The following SORCS1 variants were observed in gnomAD, a reference collection of about 807,000 sequenced individuals.
The protein encoded by SORCS1 is VPS10 domain-containing receptor SorCS1.
A neutral mutation model predicts 146.1 loss-of-function variants in SORCS1; 60 were observed. The observed-to-expected ratio is 0.41, with a 90% CI of 0.33 to 0.51. The LOEUF (loss-of-function observed/expected upper bound fraction) is 0.51. SORCS1 is among the 20% of genes least tolerant of loss of function. The pLI is 0.21. For missense variants in SORCS1, 1,352 were observed against 1,487.6 expected (o/e 0.91, Z 1.50); for synonymous variants, 637 against 584.0 (o/e 1.09, Z -1.31).
At chr10:106,894,398 A>T (rs1951382250) in intron 2 of SORCS1, among the ~76,000 whole-genome samples, 1 of 151,864 alleles carries the variant, frequency 6.6e-6, no homozygotes, top group African/African-American at 2.4e-5. Context: ...TCTTTTTTTA[A>T]AGACATTAGT....
At chr10:106,959,784 G>T (rs1955135729) in intron 1 of SORCS1, among the ~76,000 whole-genome samples, 1 of 152,202 alleles carries the variant, frequency 6.6e-6, no homozygotes, top group South Asian at 2.1e-4. Context: ...GTAGCTGGGA[G>T]TGAGGTGCAG....
intron 16 of SORCS1, among the ~76,000 whole-genome samples, chr10:106,669,790 C>T (rs895611012): frequency 7.2e-5 from 11 of 152,184 alleles, no homozygotes; most frequent in African/African-American, 1.4e-4. Flanking sequence ...CTTGGCTTGG[C>T]GTCCTCACCA....
At chr10:107,128,851 C>T (rs1966841565) in intron 1 of SORCS1, among the ~76,000 whole-genome samples, 1 of 152,182 alleles carries the variant, frequency 6.6e-6, no homozygotes, top group African/African-American at 2.4e-5. Context: ...ATAAGGTGTC[C>T]TGGGTCTTAC....
the SORCS1 span, among the ~76,000 whole-genome samples, chr10:107,176,832 A>T: frequency 6.6e-6 from 1 of 151,974 alleles, no homozygotes; most frequent in Non-Finnish European, 1.5e-5. Flanking sequence ...AGTGTTTTTT[A>T]TATATATAGT....
chr10:106,844,574 T>C (rs970248758), intron 2 of SORCS1, among the ~76,000 whole-genome samples: 4 of 151,836 alleles, frequency 2.6e-5, no homozygotes, highest in African/African-American at 7.2e-5. Context: ...CTTTTTTTTT[T>C]TAATTATTAT....
intron 2 of SORCS1, among the ~76,000 whole-genome samples, chr10:106,884,330 T>A (rs1950916428): frequency 6.6e-6 from 1 of 152,202 alleles, no homozygotes; most frequent in Non-Finnish European, 1.5e-5. Flanking sequence ...TTATCTAAGC[T>A]ATAACCACCT....
intron 2 of SORCS1, among the ~76,000 whole-genome samples, chr10:106,841,477 TAC>T (rs71025563): frequency 0.33 from 49,469 of 150,254 alleles, 8,227 homozygotes; most frequent in Non-Finnish European, 0.38. Flanking sequence ...TTCAATAAAA[TAC>T]ACACACACAC....
In SORCS1 at chr10:106,573,667, T is replaced by C. The variant is rs567071834; in HGVS notation, c.*3753A>G. 5 of 152,422 alleles carry C rather than the reference T, an allele frequency of 3.3e-5. No individual in the cohort carries two copies. The highest frequency in any genetic ancestry group is 1.2e-4 in the African/African-American group (5 of 41,580). The allele number at this position is 152,422 out of a possible 1,614,324, so 9.4% of individuals were successfully genotyped here. A position where few individuals can be genotyped will look rare whatever the true frequency, so the allele number is the denominator to read the frequency against. Reference sequence around the variant, plus strand: ...TCCAAAATAACCAGTTTGGACTAATTTTTAAATCAAAGTAATTTAATAAAC... The same window carrying C: ...TCCAAAATAACCAGTTTGGACTAATCTTTAAATCAAAGTAATTTAATAAAC... On this transcript the variant is annotated 3_prime_UTR_variant, in exon 26 of 26. Coordinates refer to ENST00000263054, the MANE Select transcript of SORCS1 (RefSeq NM_052918.5).
At chr10:106,746,632 T>C (rs1564925016) in intron 5 of SORCS1, among the ~76,000 whole-genome samples, 1 of 152,214 alleles carries the variant, frequency 6.6e-6, no homozygotes, top group Non-Finnish European at 1.5e-5. Flanking sequence ...GGCTCTTATT[T>C]CTGGGATGTT....
intron 22 of SORCS1, among the ~76,000 whole-genome samples, chr10:106,608,781 G>C (rs1376028398): frequency 6.6e-6 from 1 of 152,140 alleles, no homozygotes; most frequent in Non-Finnish European, 1.5e-5. Context: ...GGAGCAAAGG[G>C]AAGGAAACAA....
At chr10:107,064,720 T>G (rs1961571781) in intron 1 of SORCS1, among the ~76,000 whole-genome samples, 1 of 152,220 alleles carries the variant, frequency 6.6e-6, no homozygotes, top group Non-Finnish European at 1.5e-5. Flanking sequence ...GTTATATATT[T>G]GTGTAATTAT....
intron 1 of SORCS1, among the ~76,000 whole-genome samples, chr10:106,984,880 A>G (rs1159226943): frequency 1.3e-5 from 2 of 151,900 alleles, no homozygotes; most frequent in African/African-American, 2.4e-5. Flanking sequence ...CTTCTCATTA[A>G]GTTGTTGAAA....
chr10:107,177,588 T>G, the SORCS1 span, among the ~76,000 whole-genome samples: 116,022 of 152,102 alleles, frequency 0.76, 44,941 homozygotes, highest in Middle Eastern at 0.86. Flanking sequence ...ATTGCTAAAA[T>G]AATTAATTTT....
chr10:106,899,224 T>C (rs1051274694), intron 2 of SORCS1, among the ~76,000 whole-genome samples: 11 of 152,190 alleles, frequency 7.2e-5, no homozygotes, highest in Non-Finnish European at 1.5e-4. Flanking sequence ...GTGGCAGCCA[T>C]GAAGTTCCCT....
intron 17 of SORCS1, among the ~76,000 whole-genome samples, chr10:106,660,558 G>C (rs983122325): frequency 6.6e-6 from 1 of 152,176 alleles, no homozygotes; most frequent in Admixed American, 6.5e-5. Flanking sequence ...TATTTTGCTA[G>C]AATTTATGTG....
intron 1 of SORCS1, among the ~76,000 whole-genome samples, chr10:107,107,232 C>G (rs1195247707): frequency 6.6e-6 from 1 of 152,028 alleles, no homozygotes; most frequent in East Asian, 1.9e-4. Context: ...GGGTAGAAAT[C>G]TCAGAAAAAA....
intron 1 of SORCS1, among the ~76,000 whole-genome samples, chr10:107,048,459 G>T (rs766204677): frequency 2.6e-5 from 4 of 152,144 alleles, no homozygotes; most frequent in East Asian, 1.9e-4. Flanking sequence ...TTCAATTAGG[G>T]TATAAATTCC....
intron 8 of SORCS1, among the ~76,000 whole-genome samples, chr10:106,703,010 A>G (rs1026166785): frequency 1.3e-5 from 2 of 152,180 alleles, no homozygotes; most frequent in East Asian, 3.9e-4. Flanking sequence ...CCTTCAACAC[A>G]CCAGTGAGCT....
intron 2 of SORCS1, among the ~76,000 whole-genome samples, chr10:106,891,972 G>A (rs2137905881): frequency 6.6e-6 from 1 of 152,234 alleles, no homozygotes; most frequent in African/African-American, 2.4e-5. Context: ...AATTGGGTAA[G>A]CATCAAAATT....
Sources: gnomAD v4.1 joint callset for allele counts (sites outside exome capture counted in the v4.1 genomes callset) on GRCh38, gnomAD v4.1.1 for gene constraint, MANE v1.5 for transcripts, NCBI Gene and HGNC (gene_info 2026-07-23, HGNC 2026-07-21) for gene names.